AFG2A: variants seen among roughly 807,000 people sequenced by gnomAD.
AFG2A encodes the protein ATPase family gene 2 protein homolog A.
chr4:123,246,755 G>A, the AFG2A span, among the ~76,000 whole-genome samples: 1 of 152,122 alleles, frequency 6.6e-6, no homozygotes, highest in East Asian at 1.9e-4. Context: ...GGGAAAGTCT[G>A]CCCTACATGT....
chr4:123,218,420 ATC>A, the AFG2A span, among the ~76,000 whole-genome samples: 5 of 152,250 alleles, frequency 3.3e-5, no homozygotes, highest in African/African-American at 9.6e-5. Context: ...AAAATTTTAA[ATC>A]TCTCTAAGAG....
At chr4:123,015,573 C>T in the AFG2A span, among the ~76,000 whole-genome samples, 1 of 150,852 alleles carries the variant, frequency 6.6e-6, no homozygotes, top group Non-Finnish European at 1.5e-5. Flanking sequence ...AAAAGTCTCC[C>T]GTGTCTACCT....
chr4:123,087,491 G>A, the AFG2A span, among the ~76,000 whole-genome samples: 1 of 152,206 alleles, frequency 6.6e-6, no homozygotes, highest in South Asian at 2.1e-4. Context: ...TTTAAGAAGA[G>A]AATGCTCTAG....
chr4:123,227,642 A>G, the AFG2A span, among the ~76,000 whole-genome samples: 66 of 152,256 alleles, frequency 4.3e-4, no homozygotes, highest in Middle Eastern at 3.4e-3. Context: ...TATGTGGTCA[A>G]TTTTGGAATA....
chr4:122,976,169 C>A, the AFG2A span, among the ~76,000 whole-genome samples: 1 of 152,244 alleles, frequency 6.6e-6, no homozygotes, highest in East Asian at 1.9e-4. Context: ...TCCAGGATAA[C>A]TTTAGATATT....
chr4:123,312,362 A>G, the AFG2A span, among the ~76,000 whole-genome samples: 1 of 152,184 alleles, frequency 6.6e-6, no homozygotes, highest in Non-Finnish European at 1.5e-5. Context: ...TCTTCCAGTG[A>G]TTCTTCAGAC....
chr4:123,116,550 G>C, the AFG2A span, among the ~76,000 whole-genome samples: 1 of 152,162 alleles, frequency 6.6e-6, no homozygotes, highest in Non-Finnish European at 1.5e-5. Context: ...ATGAAACATT[G>C]TTAGCCCAAG....
At chr4:123,284,377 G>A in the AFG2A span, among the ~76,000 whole-genome samples, 1 of 152,188 alleles carries the variant, frequency 6.6e-6, no homozygotes, top group Non-Finnish European at 1.5e-5. Context: ...AGGACAAAAC[G>A]ATGTTCAGCT....
At chr4:123,204,520 G>T in the AFG2A span, among the ~76,000 whole-genome samples, 1 of 152,020 alleles carries the variant, frequency 6.6e-6, no homozygotes, top group African/African-American at 2.4e-5. Flanking sequence ...TGAAATGTCC[G>T]CTCATGACTT....
chr4:122,996,525 G>A, the AFG2A span, among the ~76,000 whole-genome samples: 1 of 151,892 alleles, frequency 6.6e-6, no homozygotes, highest in African/African-American at 2.4e-5. Context: ...GGATGGATGG[G>A]TAGGTAGGTA....
the AFG2A span, among the ~76,000 whole-genome samples, chr4:123,288,162 A>G: frequency 2.0e-5 from 3 of 152,142 alleles, no homozygotes; most frequent in Non-Finnish European, 4.4e-5. Context: ...AGTGTTCAGA[A>G]GTGTCATTTC....
At chr4:123,024,613 C>T in the AFG2A span, among the ~76,000 whole-genome samples, 3 of 152,194 alleles carry the variant, frequency 2.0e-5, no homozygotes, top group Admixed American at 2.0e-4. Flanking sequence ...AAAGGAAGGA[C>T]CCTCTACCAA....
the AFG2A span, chr4:122,923,271 C>T: frequency 1.2e-6 from 2 of 1,614,086 alleles, no homozygotes; most frequent in Non-Finnish European, 1.7e-6. Context: ...CGGCAACCTC[C>T]GGGACTCTGA....
chr4:123,266,322 T>G, the AFG2A span, among the ~76,000 whole-genome samples: 7 of 151,938 alleles, frequency 4.6e-5, no homozygotes, highest in Admixed American at 2.0e-4. Flanking sequence ...ATAAGAGAGG[T>G]CCTTAACTTC....
the AFG2A span, among the ~76,000 whole-genome samples, chr4:123,017,077 G>T: frequency 4.6e-5 from 7 of 151,742 alleles, no homozygotes; most frequent in Non-Finnish European, 1.0e-4. Context: ...CAGCAGTACA[G>T]TCCAGCTTCG....
the AFG2A span, among the ~76,000 whole-genome samples, chr4:122,983,676 A>G: frequency 6.6e-6 from 1 of 152,112 alleles, no homozygotes; most frequent in Non-Finnish European, 1.5e-5. Flanking sequence ...GATACGTGAT[A>G]TGATTTTAGT....
the AFG2A span, among the ~76,000 whole-genome samples, chr4:122,970,928 G>C: frequency 6.6e-6 from 1 of 152,060 alleles, no homozygotes; most frequent in Non-Finnish European, 1.5e-5. Flanking sequence ...CTGCCTCCCG[G>C]GTTCAAGCAA....
chr4:122,927,904 T>C, the AFG2A span: 2 of 1,158,342 alleles, frequency 1.7e-6, no homozygotes, highest in Non-Finnish European at 2.4e-6. Flanking sequence ...TTGGGATGCT[T>C]AGCCAGTAAA....
chr4:123,220,801 T>C, the AFG2A span, among the ~76,000 whole-genome samples: 1 of 152,178 alleles, frequency 6.6e-6, no homozygotes, highest in Non-Finnish European at 1.5e-5. Context: ...TAAATGAATT[T>C]ACCAATTTTG....
Sources: gnomAD v4.1 joint callset for allele counts (sites outside exome capture counted in the v4.1 genomes callset) on GRCh38, gnomAD v4.1.1 for gene constraint, MANE v1.5 for transcripts, NCBI Gene and HGNC (gene_info 2026-07-23, HGNC 2026-07-21) for gene names.